Variants in SLC37A1 observed in about 807,000 individuals in gnomAD.
The protein encoded by SLC37A1 is glucose-6-phosphate exchanger SLC37A1.
A neutral mutation model predicts 75.3 loss-of-function variants in SLC37A1; 49 were observed. The ratio of observed to expected loss-of-function variants is 0.65; its 90% CI spans 0.52 to 0.83. The LOEUF is 0.83. Ranked by LOEUF, SLC37A1 falls within the 40% of genes least tolerant of loss-of-function variation. SLC37A1 has a pLI of 0.00. For missense variants in SLC37A1, 566 were observed against 695.0 expected, an observed-to-expected ratio of 0.81 and a Z score of 2.09; for synonymous variants, 268 against 292.1, an observed-to-expected ratio of 0.92 and a Z score of 0.84.
chr21:42,574,887 T>C lies in SLC37A1; in HGVS notation c.1493T>C (p.Leu498Pro). 5 of 1,614,212 alleles carry C rather than the reference T, an allele frequency of 3.1e-6. No individual in the cohort carries two copies. Among genetic ancestry groups the C allele is most frequent in the African/African-American group, 1.3e-5 (1 of 75,068 alleles). The stretch of plus-strand genomic sequence containing the variant: ...GGCTGGAGCAATGTGTTTTACATGC[T>C]GATGTTTGCAGATGCCTGTGCCTTA... The part of the protein sequence containing the change: ...PSGWSNVFYM[L>P]MFADACALLF... Residue 498 changes from leucine (L) to proline (P), a missense_variant, in exon 18 of 20, where the codon CTG (leucine) becomes CCG (proline). Coordinates refer to ENST00000352133, the MANE Select transcript of SLC37A1 (RefSeq NM_001320537.2).
intron 1 of SLC37A1, among the ~76,000 whole-genome samples, chr21:42,501,208 G>A (rs1444971623): frequency 3.3e-5 from 5 of 152,178 alleles, no homozygotes; most frequent in African/African-American, 1.2e-4. Context: ...GCAGCAGTAG[G>A]AAAAGAGAAA....
chr21:42,554,849 G>T (rs1357261761), intron 10 of SLC37A1, among the ~76,000 whole-genome samples: 2 of 152,174 alleles, frequency 1.3e-5, no homozygotes, highest in African/African-American at 4.8e-5. Context: ...GATCCTTGTA[G>T]AGGCTCCTCA....
intron 3 of SLC37A1, among the ~76,000 whole-genome samples, chr21:42,528,476 G>A (rs2146780889): frequency 6.6e-6 from 1 of 152,312 alleles, no homozygotes; most frequent in Non-Finnish European, 1.5e-5. Flanking sequence ...CAGGGGGATG[G>A]CAGCATTGAT....
chr21:42,518,135 G>T, intron 1 of SLC37A1, 142 bp from the exon 2 acceptor site: 1 of 340,676 alleles, frequency 2.9e-6, no homozygotes, highest in Non-Finnish European at 5.6e-6. Context: ...CACTGCTGGT[G>T]GGGGCCCCTG....
rs1193589987 is a variant in SLC37A1 at position 42,564,766 on chromosome 21, C to A, written c.1194C>A (p.Gly398=). Residue 398 remains glycine (G), a synonymous_variant, in exon 14 of 20, where the codon GGC becomes GGA. Transcript: ENST00000352133. ...DRLEKRASTC[G]LMLLLAAPTL... ...TGGAGAAAAGGGCCTCCACCTGCGG[C>A]CTGATGCTGCTGCTCGCGGCCCCCA... 2.5e-6 allele frequency: 4 copies of A among 1,608,224 alleles called. No homozygotes were observed. In the Admixed American group the frequency reaches 5.0e-5, roughly 20 times the overall value.
At chr21:42,531,121 G>A (rs1399121310) in intron 3 of SLC37A1, among the ~76,000 whole-genome samples, 2 of 152,210 alleles carry the variant, frequency 1.3e-5, no homozygotes, top group East Asian at 3.8e-4. Flanking sequence ...GGTGGGGAGG[G>A]CTGGATGTGG....
chr21:42,539,716 C>T lies in SLC37A1; in HGVS notation c.486+69C>T. Reference sequence around the variant, plus strand: ...GGTGAATAGGGTGGAGTGTTTATGTCACGTCACCTCTGTCAAGGTGTTGGG... The same window carrying T: ...GGTGAATAGGGTGGAGTGTTTATGTTACGTCACCTCTGTCAAGGTGTTGGG... On this transcript the variant is annotated intron_variant, in intron 6 of 19. Transcript: ENST00000352133. The T allele has an allele frequency of 1.3e-6, 2 of 1,482,654 alleles. 1 individual carries two copies. Among genetic ancestry groups the T allele is most frequent in the Non-Finnish European group, 1.8e-6 (2 of 1,098,742 alleles). 91.8% of individuals were successfully genotyped at this position (1,482,654 alleles called of 1,614,324 possible).
chr21:42,564,914 C>A, intron 14 of SLC37A1, 121 bp downstream of exon 14: 1 of 841,970 alleles, frequency 1.2e-6, no homozygotes, highest in Non-Finnish European at 1.9e-6. Flanking sequence ...CCGCTTCATT[C>A]CCTCTCATGC....
upstream of SLC37A1, among the ~76,000 whole-genome samples, chr21:42,513,582 A>G (rs902649363): frequency 5.9e-5 from 9 of 151,592 alleles, no homozygotes; most frequent in Non-Finnish European, 1.2e-4. Context: ...GCCGGTGGGG[A>G]GCGCGCCAGC....
At chr21:42,555,558 C>T (rs1252737709) in intron 10 of SLC37A1, among the ~76,000 whole-genome samples, 2 of 152,152 alleles carry the variant, frequency 1.3e-5, no homozygotes, top group Admixed American at 6.5e-5. Context: ...AACCAAAATG[C>T]TTTAAAATCT....
chr21:42,507,377 G>A (rs761321411), intron 2 of SLC37A1, among the ~76,000 whole-genome samples: 1 of 152,208 alleles, frequency 6.6e-6, no homozygotes, highest in Non-Finnish European at 1.5e-5. Flanking sequence ...AGTGTAGGCT[G>A]TGAGGGGGAC....
chr21:42,572,695 T>TAAAAAAAAAAA (rs1421400961), intron 17 of SLC37A1, among the ~76,000 whole-genome samples: 1,939 of 131,544 alleles, frequency 0.015, 77 homozygotes, highest in Non-Finnish European at 0.025. Context: ...AAAAAAAGAG[T>TAAAAAAAAAAA]GTGTCCTGAG....
rs567362773 is a variant in SLC37A1, at chr21:42,570,002, C to T, written c.1423+1564C>T. 6.9e-4 allele frequency among the ~76,000 whole-genome samples: 104 copies of T among 151,304 alleles called. 3 individuals carry two copies. The South Asian group carries it at 0.016, about 23-fold the overall frequency. On this transcript the variant is annotated intron_variant, in intron 17 of 19. Transcript: ENST00000352133. ...GTTCTGGCCTTGTTCTGAGAAGCGG[C>T]GGGCAGGGTGGCCGTTGCCATGTGA...
chr21:42,539,445 G>T, intron 5 of SLC37A1, 67 bp from the exon 6 acceptor site: 8 of 1,531,826 alleles, frequency 5.2e-6, no homozygotes, highest in Non-Finnish European at 7.1e-6. Context: ...GCAAGAAACA[G>T]CCACGAGGTT....
chr21:42,534,549 A>C, intron 3 of SLC37A1, 149 bp from the exon 4 acceptor site: 1 of 952,154 alleles, frequency 1.1e-6, no homozygotes, highest in Non-Finnish European at 1.5e-6. Context: ...CACCGCCAGC[A>C]GCGCCTTGTG....
At chr21:42,576,310 T>G (rs2147070717) in intron 18 of SLC37A1, among the ~76,000 whole-genome samples, 1 of 151,888 alleles carries the variant, frequency 6.6e-6, no homozygotes, top group East Asian at 1.9e-4. Flanking sequence ...GGGGAAGAAA[T>G]CTCCCTTGAA....
chr21:42,571,654 G>C (rs1362782953), intron 17 of SLC37A1, among the ~76,000 whole-genome samples: 1 of 151,898 alleles, frequency 6.6e-6, no homozygotes, highest in East Asian at 1.9e-4. Context: ...CGGAAGAGGG[G>C]ACCTGGCTCC....
chr21:42,549,114 T>C (rs17115082), intron 9 of SLC37A1, among the ~76,000 whole-genome samples: 4,955 of 152,260 alleles, frequency 0.033, 272 homozygotes, highest in African/African-American at 0.11. Flanking sequence ...GCTTGTACAG[T>C]CGTGCCGTGA....
At chr21:42,567,870 C>T (rs915193546) in intron 16 of SLC37A1, among the ~76,000 whole-genome samples, 11 of 152,182 alleles carry the variant, frequency 7.2e-5, no homozygotes, top group African/African-American at 2.7e-4. Flanking sequence ...TTTCTCAGCT[C>T]TCCCCTCCTC....
Sources: gnomAD v4.1 joint callset for allele counts (sites outside exome capture counted in the v4.1 genomes callset) on GRCh38, gnomAD v4.1.1 for gene constraint, MANE v1.5 for transcripts, NCBI Gene and HGNC (gene_info 2026-07-23, HGNC 2026-07-21) for gene names.